The following SASH1 variants were observed in gnomAD, a reference collection of about 807,000 sequenced individuals.
SASH1 encodes SAM and SH3 domain-containing protein 1.
A neutral mutation model predicts 125.2 loss-of-function variants in SASH1; 44 were observed. The ratio of observed to expected loss-of-function variants is 0.35; its 90% confidence interval spans 0.28 to 0.45. SASH1 has a LOEUF of 0.45. Among genes scored for constraint, SASH1 ranks in the 20% least tolerant of loss-of-function variants. SASH1 has a pLI of 1.00. For synonymous variants in SASH1, 639 were observed against 649.1 expected, an observed-to-expected ratio of 0.98 and a Z score of 0.24; for missense variants, 1,426 against 1,614.5, an observed-to-expected ratio of 0.88 and a Z score of 2.00.
chr6:148,535,416 C>T (rs1562493508), intron 16 of SASH1, among the ~76,000 whole-genome samples: 1 of 152,206 alleles, frequency 6.6e-6, no homozygotes, highest in Admixed American at 6.5e-5. Flanking sequence ...GAGGTTTTCG[C>T]TCAGCCAAAG....
intron 1 of SASH1, among the ~76,000 whole-genome samples, chr6:148,309,103 A>T (rs5880769): frequency 0.48 from 68,325 of 143,458 alleles, 16,919 homozygotes; most frequent in East Asian, 0.58. Flanking sequence ...AAAAAAAAAA[A>T]GATTCTCTTT....
intron 7 of SASH1, among the ~76,000 whole-genome samples, chr6:148,483,244 A>C (rs1192564088): frequency 1.3e-5 from 2 of 152,096 alleles, no homozygotes; most frequent in African/African-American, 4.8e-5. Flanking sequence ...AGAAGAAACA[A>C]GAGGGAGAGG....
At chr6:148,342,383 G>C (rs979341755), upstream of SASH1, among the ~76,000 whole-genome samples, 1 of 152,094 alleles carries the variant, frequency 6.6e-6, no homozygotes, top group African/African-American at 2.4e-5. Context: ...TAACTTTCTC[G>C]GGTTTCCGTT....
intron 19 of SASH1, among the ~76,000 whole-genome samples, chr6:148,547,647 G>GTAGA (rs1293175440): frequency 7.2e-5 from 11 of 152,228 alleles, no homozygotes; most frequent in African/African-American, 2.4e-4. Context: ...TAATTTCTGA[G>GTAGA]TAGATATTCC....
chr6:148,388,599 A>AT lies in SASH1; in HGVS notation c.157-1528dup, dbSNP rs1192615652. Among the ~76,000 whole-genome samples, 4 of 152,296 alleles carry AT rather than the reference A, an allele frequency of 2.6e-5. No individual in the cohort carries two copies. In the East Asian group the frequency reaches 5.8e-4, roughly 22 times the overall value. On this transcript the variant is annotated intron_variant, in intron 1 of 19. Transcript: ENST00000367467. ...AAGCAAGGAGCTTTTCTGAAGCGTC[A>AT]TTTTTTTCCCGTCTCTGTTTCTCCT...
chr6:148,540,286 G>A (rs574351578), intron 16 of SASH1, among the ~76,000 whole-genome samples, 157 bp from the exon 17 acceptor site: 68 of 152,292 alleles, frequency 4.5e-4, no homozygotes, highest in Non-Finnish European at 8.5e-4. Flanking sequence ...GAAAAGTTGT[G>A]ATCACACTAG....
At chr6:148,291,052 G>T (rs2128508783) in intron 1 of SASH1, among the ~76,000 whole-genome samples, 1 of 150,716 alleles carries the variant, frequency 6.6e-6, no homozygotes, top group Middle Eastern at 3.4e-3. Context: ...AGGCTGGAGT[G>T]CAGTGGTGCA....
chr6:148,506,121 C>A (rs1779787498), intron 8 of SASH1, among the ~76,000 whole-genome samples: 1 of 151,462 alleles, frequency 6.6e-6, no homozygotes, highest in South Asian at 2.1e-4. Flanking sequence ...CCTAAAAGAA[C>A]AGTTTGTGAA....
the SASH1 span, among the ~76,000 whole-genome samples, chr6:148,214,872 A>G: frequency 6.6e-6 from 1 of 152,050 alleles, no homozygotes; most frequent in Non-Finnish European, 1.5e-5. Context: ...TGCTGAACTG[A>G]GCTGAAACAG....
chr6:148,263,980 A>G, the SASH1 span, among the ~76,000 whole-genome samples: 2 of 152,150 alleles, frequency 1.3e-5, no homozygotes, highest in Non-Finnish European at 2.9e-5. Flanking sequence ...ACAATCATTT[A>G]TCCTAGGTGT....
At chr6:148,363,330 C>T (rs1562352917) in intron 1 of SASH1, among the ~76,000 whole-genome samples, 1 of 143,506 alleles carries the variant, frequency 7.0e-6, no homozygotes, top group Admixed American at 8.0e-5. Flanking sequence ...TTTGTAGAGA[C>T]AGGGTTTCAC....
At chr6:148,257,401 A>G in the SASH1 span, among the ~76,000 whole-genome samples, 6 of 152,168 alleles carry the variant, frequency 3.9e-5, no homozygotes, top group African/African-American at 1.2e-4. Context: ...CTTAGAGACA[A>G]AAGTTGACAT....
intron 2 of SASH1, among the ~76,000 whole-genome samples, chr6:148,394,144 T>C (rs949796405): frequency 4.6e-5 from 7 of 152,022 alleles, no homozygotes; most frequent in African/African-American, 1.7e-4. Context: ...CCTCCCGGCT[T>C]GGCCTCCCAA....
the SASH1 span, among the ~76,000 whole-genome samples, chr6:148,205,246 A>G: frequency 1.2e-4 from 18 of 151,410 alleles, 1 homozygote; most frequent in South Asian, 3.8e-3. Context: ...GCCTTTAACC[A>G]CTCTCCTTCG....
At chr6:148,294,153 G>C (rs771832830) in intron 1 of SASH1, among the ~76,000 whole-genome samples, 5 of 152,238 alleles carry the variant, frequency 3.3e-5, no homozygotes, top group Non-Finnish European at 2.9e-5. Context: ...TTTCTAAAGA[G>C]GCGTGCTTGG....
the SASH1 span, among the ~76,000 whole-genome samples, chr6:148,214,255 G>A: frequency 1.3e-5 from 2 of 152,064 alleles, no homozygotes; most frequent in Admixed American, 6.6e-5. Flanking sequence ...ATGTTGACGT[G>A]AAGTTAAAAA....
At chr6:148,290,874 TA>T (rs11437068) in intron 1 of SASH1, among the ~76,000 whole-genome samples, 3 of 109,132 alleles carry the variant, frequency 2.7e-5, no homozygotes, top group South Asian at 3.3e-4. Flanking sequence ...CAATAAATAC[TA>T]AAAAAAAGTT....
intron 1 of SASH1, among the ~76,000 whole-genome samples, chr6:148,346,110 G>T (rs1050192516): frequency 2.2e-4 from 33 of 152,172 alleles, no homozygotes; most frequent in African/African-American, 7.0e-4. Flanking sequence ...AATACTGTAT[G>T]TGGAACTTTG....
chr6:148,530,799 G>A lies in SASH1; in HGVS notation c.1429-727G>A, dbSNP rs529248453. 1.6e-3 allele frequency among the ~76,000 whole-genome samples: 248 copies of A among 152,312 alleles called. 1 individual carries two copies. The highest frequency in any genetic ancestry group is 5.9e-3 in the African/African-American group (244 of 41,578). ...CTATACTCAAATGTGCAAATGAGGAGCCGCTGAGAGGATAATACTTAGCTA... is the reference window on the plus strand; with the variant it reads ...CTATACTCAAATGTGCAAATGAGGAACCGCTGAGAGGATAATACTTAGCTA... On this transcript the variant is annotated intron_variant, in intron 12 of 19. Transcript: ENST00000367467.
Sources: gnomAD v4.1 joint callset for allele counts (sites outside exome capture counted in the v4.1 genomes callset) on GRCh38, gnomAD v4.1.1 for gene constraint, MANE v1.5 for transcripts, NCBI Gene and HGNC (gene_info 2026-07-23, HGNC 2026-07-21) for gene names.